Variants in GAB1 observed in about 807,000 individuals in gnomAD.
GAB1 encodes the protein GRB2-associated-binding protein 1.
In GAB1, 19 loss-of-function variants were observed where a neutral mutation model predicts 66.5. That is an observed-to-expected ratio of 0.29 (90% confidence interval 0.20 to 0.42). The LOEUF is 0.42. Ranked by LOEUF, GAB1 falls within the 10% of genes least tolerant of loss-of-function variation. GAB1 has a pLI of 1.00. For synonymous variants in GAB1, 294 were observed against 301.4 expected, an observed-to-expected ratio of 0.98 and a Z score of 0.25; for missense variants, 732 against 858.5, an observed-to-expected ratio of 0.85 and a Z score of 1.84.
chr4:143,454,155 A>G (rs962059774), intron 6 of GAB1, among the ~76,000 whole-genome samples: 1 of 152,236 alleles, frequency 6.6e-6, no homozygotes, highest in Admixed American at 6.5e-5. Context: ...AATTCAAGAG[A>G]AGAATGTGTT....
intron 2 of GAB1, chr4:143,425,461 A>T: frequency 3.9e-6 from 3 of 760,378 alleles, no homozygotes; most frequent in Non-Finnish European, 7.2e-6. Context: ...GAGGCATCTT[A>T]TGTTAACCTA....
At chr4:143,360,849 G>A (rs1382430796) in intron 1 of GAB1, among the ~76,000 whole-genome samples, 2 of 152,050 alleles carry the variant, frequency 1.3e-5, no homozygotes, top group African/African-American at 4.8e-5. Context: ...TATTGACTAG[G>A]GGAAATCAAA....
At chr4:143,378,518 A>G (rs1730510016) in intron 1 of GAB1, among the ~76,000 whole-genome samples, 1 of 152,144 alleles carries the variant, frequency 6.6e-6, no homozygotes, top group African/African-American at 2.4e-5. Context: ...CTTAGCAACA[A>G]TTAGTAAGGT....
At chr4:143,456,307 A>G (rs1735187302) in intron 6 of GAB1, among the ~76,000 whole-genome samples, 1 of 152,154 alleles carries the variant, frequency 6.6e-6, no homozygotes, top group South Asian at 2.1e-4. Context: ...AATACAAAAA[A>G]TTAGCCAGGC....
chr4:143,368,004 C>T (rs963023445), intron 1 of GAB1, among the ~76,000 whole-genome samples: 4 of 151,990 alleles, frequency 2.6e-5, no homozygotes, highest in Admixed American at 6.6e-5. Flanking sequence ...GGATTCCAGG[C>T]GTGAGCCACT....
intron 1 of GAB1, among the ~76,000 whole-genome samples, chr4:143,400,162 T>G (rs1325972891): frequency 6.6e-6 from 1 of 152,172 alleles, no homozygotes; most frequent in Non-Finnish European, 1.5e-5. Context: ...AGACTGGTCT[T>G]GATCTCCTGA....
At chr4:143,362,175 G>A (rs1304210351) in intron 1 of GAB1, among the ~76,000 whole-genome samples, 1 of 152,088 alleles carries the variant, frequency 6.6e-6, no homozygotes, top group African/African-American at 2.4e-5. Flanking sequence ...GAGGTGGAAG[G>A]ATAGAAAAAT....
At chr4:143,421,698 C>CTTTTTTTTTTTTTTTTTTTCTTTTTTTT (rs70953733) in intron 2 of GAB1, among the ~76,000 whole-genome samples, 2 of 118,692 alleles carry the variant, frequency 1.7e-5, no homozygotes, top group Non-Finnish European at 3.6e-5. Context: ...CTTTTCTTTT[C>CTTTTTTTTTTTTTTTTTTTCTTTTTTTT]TTTTTTTTTT....
intron 1 of GAB1, among the ~76,000 whole-genome samples, chr4:143,407,021 C>A (rs1732083609): frequency 6.6e-6 from 1 of 152,188 alleles, no homozygotes; most frequent in African/African-American, 2.4e-5. Context: ...GGGTCCAAGG[C>A]AGACCAGCCT....
At chr4:143,425,559 G>A in intron 2 of GAB1, 1 of 762,908 alleles carries the variant, frequency 1.3e-6, no homozygotes, top group Non-Finnish European at 2.4e-6. Context: ...TCACTCCGTG[G>A]GTTTGATGTG....
chr4:143,405,285 A>G (rs1731986410), intron 1 of GAB1, among the ~76,000 whole-genome samples: 1 of 152,188 alleles, frequency 6.6e-6, no homozygotes, highest in Non-Finnish European at 1.5e-5. Flanking sequence ...TGCTAACATA[A>G]TATTCAATGA....
chr4:143,417,959 A>G (rs1732786066), intron 2 of GAB1, among the ~76,000 whole-genome samples: 1 of 152,224 alleles, frequency 6.6e-6, no homozygotes, highest in Admixed American at 6.5e-5. Context: ...TGTGTTAATA[A>G]TCAACACCAA....
chr4:143,337,337 G>T, intron 1 of GAB1, 77 bp downstream of exon 1: 1 of 1,245,104 alleles, frequency 8.0e-7, no homozygotes, highest in Non-Finnish European at 1.1e-6. Context: ...GGCGGCTGCA[G>T]CTGGCCGCGC....
chr4:143,354,897 TTA>T (rs1729381502), intron 1 of GAB1, among the ~76,000 whole-genome samples: 1 of 152,212 alleles, frequency 6.6e-6, no homozygotes, highest in African/African-American at 2.4e-5. Context: ...AGTTGGAGAA[TTA>T]GTTATATGTT....
chr4:143,377,970 A>G (rs1730485682), intron 1 of GAB1, among the ~76,000 whole-genome samples: 1 of 152,196 alleles, frequency 6.6e-6, no homozygotes, highest in South Asian at 2.1e-4. Flanking sequence ...TCCCATAGAA[A>G]TGATAGTATA....
chr4:143,464,703 C>T (rs1039720321), intron 8 of GAB1, among the ~76,000 whole-genome samples: 4 of 152,168 alleles, frequency 2.6e-5, no homozygotes, highest in Admixed American at 6.5e-5. Context: ...AAGCTGCAGT[C>T]GCCCACAGCA....
intron 3 of GAB1, among the ~76,000 whole-genome samples, chr4:143,434,861 G>A (rs1290730912): frequency 6.6e-6 from 1 of 152,068 alleles, no homozygotes; most frequent in Admixed American, 6.6e-5. Flanking sequence ...AGGCAATAAA[G>A]AGTCAAGAAG....
At chr4:143,433,125 AGGTTG>A (rs1054583552) in intron 2 of GAB1, among the ~76,000 whole-genome samples, 4 of 152,292 alleles carry the variant, frequency 2.6e-5, no homozygotes, top group African/African-American at 9.6e-5. Flanking sequence ...TCTCCTTGGA[AGGTTG>A]GGTTGGCTTA....
chr4:143,459,178 C>T (rs1735354266), intron 6 of GAB1, among the ~76,000 whole-genome samples: 2 of 152,086 alleles, frequency 1.3e-5, no homozygotes, highest in Non-Finnish European at 2.9e-5. Flanking sequence ...AATCATGAAA[C>T]ATCTGATTTA....
Sources: allele counts gnomAD v4.1 joint callset (sites outside exome capture counted in the v4.1 genomes callset), GRCh38; gene constraint gnomAD v4.1.1; transcripts MANE v1.5; gene names NCBI Gene and HGNC (gene_info 2026-07-23, HGNC 2026-07-21).